The following AP2A1 variants were observed in gnomAD, a reference collection of about 807,000 sequenced individuals.
AP2A1 encodes adaptor related protein complex 2 subunit alpha 1, also known as AP-2 complex subunit alpha-1.
In AP2A1, 21 loss-of-function variants were observed where a neutral mutation model predicts 107.3. The observed-to-expected ratio is 0.20, with a 90% confidence interval of 0.14 to 0.28. The LOEUF is 0.28. Among genes scored for constraint, AP2A1 ranks in the 10% least tolerant of loss-of-function variants. The probability of loss-of-function intolerance (pLI) is 1.00; values close to 1 mark genes in which losing one functional copy is unlikely to be tolerated. For synonymous variants in AP2A1, 602 were observed against 564.8 expected (o/e 1.07, Z -0.93); for missense variants, 873 against 1,307.7 (o/e 0.67, Z 5.13).
At chr19:49,772,410 T>C (rs942896314) in intron 1 of AP2A1, among the ~76,000 whole-genome samples, 9 of 151,456 alleles carry the variant, frequency 5.9e-5, no homozygotes, top group Non-Finnish European at 1.2e-4. Context: ...ATTCCTGGGC[T>C]CAAGTGATCT....
At chr19:49,789,332 C>T (rs2073113772) in intron 4 of AP2A1, among the ~76,000 whole-genome samples, 1 of 152,144 alleles carries the variant, frequency 6.6e-6, no homozygotes, top group South Asian at 2.1e-4. Context: ...ACTCTGTCTC[C>T]CAGGTTGAAG....
At chr19:49,795,342 C>T (rs929384158) in intron 6 of AP2A1, among the ~76,000 whole-genome samples, 2 of 152,194 alleles carry the variant, frequency 1.3e-5, no homozygotes, top group Admixed American at 1.3e-4. Flanking sequence ...CTTCCCAGAG[C>T]CTCAGATTCC....
intron 7 of AP2A1, chr19:49,797,187 G>T (rs912193747): frequency 6.6e-6 from 1 of 152,202 alleles, no homozygotes; most frequent in Non-Finnish European, 1.5e-5. Flanking sequence ...TTGTCCTGAG[G>T]CTGGGCCTGA....
At chr19:49,786,426 G>A (rs747808085) in intron 4 of AP2A1, among the ~76,000 whole-genome samples, 3 of 152,158 alleles carry the variant, frequency 2.0e-5, no homozygotes, top group South Asian at 4.1e-4. Context: ...TCTCAGTTTG[G>A]ACTCGCTGCA....
At chr19:49,798,768 C>T (rs768923512) in intron 7 of AP2A1, 34 bp from the exon 8 acceptor site, 9 of 1,589,662 alleles carry the variant, frequency 5.7e-6, no homozygotes, top group Non-Finnish European at 7.7e-6. Flanking sequence ...GTGGGCAGGA[C>T]ACTCAGCCGG....
At chr19:49,790,266 T>A (rs1484410826) in intron 4 of AP2A1, among the ~76,000 whole-genome samples, 2 of 152,164 alleles carry the variant, frequency 1.3e-5, no homozygotes, top group Admixed American at 1.3e-4. Flanking sequence ...GTGTGGCATC[T>A]TCTCTCCTGC....
At chr19:49,799,574 AC>A (rs1480844000) in intron 9 of AP2A1, 54 bp from the exon 10 acceptor site, 2 of 1,600,112 alleles carry the variant, frequency 1.2e-6, no homozygotes, top group Non-Finnish European at 1.7e-6. Context: ...TGGGTGGCCA[AC>A]CCTGTGCCAA....
chr19:49,769,821 G>A (rs755203493), intron 1 of AP2A1, among the ~76,000 whole-genome samples: 50 of 152,180 alleles, frequency 3.3e-4, no homozygotes, highest in Admixed American at 1.2e-3. Flanking sequence ...GCCTCTGGGT[G>A]AGAGATGGTG....
chr19:49,767,414 A>C (rs2084513973), intron 1 of AP2A1, among the ~76,000 whole-genome samples: 1 of 151,838 alleles, frequency 6.6e-6, no homozygotes, highest in Admixed American at 6.6e-5. Flanking sequence ...CGGAGTAGCT[A>C]GAGGGGTCCG....
intron 1 of AP2A1, among the ~76,000 whole-genome samples, chr19:49,776,196 G>A (rs1298774229): frequency 4.1e-5 from 6 of 146,324 alleles, no homozygotes; most frequent in African/African-American, 1.5e-4. Flanking sequence ...TTCTCCACCC[G>A]CCCCCGCCGC....
intron 10 of AP2A1, 29 bp from the exon 11 acceptor site, chr19:49,799,939 A>G: frequency 6.2e-7 from 1 of 1,607,388 alleles, no homozygotes; most frequent in Non-Finnish European, 8.5e-7. Context: ...GGCCTGCGGC[A>G]CACTCTCTCT....
chr19:49,805,391 C>T, intron 18 of AP2A1, 62 bp from the exon 19 acceptor site: 2 of 1,468,956 alleles, frequency 1.4e-6, no homozygotes, highest in Non-Finnish European at 9.1e-7. Context: ...TCTGGGGTTC[C>T]TGACCCAGAC....
At chr19:49,776,241 A>AC (rs769225357) in intron 1 of AP2A1, among the ~76,000 whole-genome samples, 6 of 150,664 alleles carry the variant, frequency 4.0e-5, no homozygotes, top group Non-Finnish European at 7.4e-5. Context: ...CTCTTTCATC[A>AC]CCGTCCGCCT....
chr19:49,784,853 G>C (rs965504598), intron 4 of AP2A1, among the ~76,000 whole-genome samples: 5 of 152,122 alleles, frequency 3.3e-5, no homozygotes, highest in African/African-American at 1.2e-4. Flanking sequence ...GGGTGACAGA[G>C]TAAGACCCTG....
At position 49,806,871 on chromosome 19, in the gene AP2A1, G is replaced by A. The variant is rs758774782; in HGVS notation, c.*113G>A. 1 of 1,567,320 alleles carries A rather than the reference G, an allele frequency of 6.4e-7. No individual in the cohort carries two copies. Among genetic ancestry groups the A allele is most frequent in the Non-Finnish European group, 8.6e-7 (1 of 1,160,670 alleles). On this transcript the variant is annotated 3_prime_UTR_variant, in exon 23 of 23. Transcript: ENST00000354293. Reference sequence around the variant, plus strand: ...TGACAGAGAAGACACCAGGGTTTGGGGGATGCCTGGGACTTTCCTCCGGCC... The same window carrying A: ...TGACAGAGAAGACACCAGGGTTTGGAGGATGCCTGGGACTTTCCTCCGGCC...
chr19:49,782,164 T>TG (rs1474258626), intron 3 of AP2A1, 75 bp downstream of exon 3: 1 of 327,450 alleles, frequency 3.1e-6, no homozygotes, highest in East Asian at 1.7e-4. Context: ...TCTGGACTCC[T>TG]GGATCTGGGG....
At chr19:49,805,163 C>G (rs2073347087) in intron 18 of AP2A1, 2 of 382,014 alleles carry the variant, frequency 5.2e-6, no homozygotes, top group Non-Finnish European at 9.4e-6. Context: ...CACAGCCACT[C>G]AGGTGGTTAA....
At position 49,798,868 on chromosome 19, in the gene AP2A1, C is replaced by T; in HGVS notation, c.881C>T (p.Pro294Leu). ...ACTGTGCTCAACAAGGCCCAGGAGCCCCCCAAATCCAAGAAGGTGCAGCAT... is the reference window on the plus strand; with the variant it reads ...ACTGTGCTCAACAAGGCCCAGGAGCTCCCCAAATCCAAGAAGGTGCAGCAT... ...LETVLNKAQEPPKSKKVQHSN... is the reference protein window; with the variant it reads ...LETVLNKAQELPKSKKVQHSN... Residue 294 changes from proline to leucine, a missense_variant, in exon 8 of 23, where the codon CCC becomes CTC. Coordinates refer to ENST00000354293, the MANE Select transcript of AP2A1 (RefSeq NM_130787.3). The T allele has an allele frequency of 6.3e-7, 1 of 1,593,390 alleles. No individual in the cohort carries two copies. The highest frequency in any genetic ancestry group is 8.5e-7 in the Non-Finnish European group (1 of 1,170,170).
intron 18 of AP2A1, 36 bp from the exon 19 acceptor site, chr19:49,805,417 C>T: frequency 6.6e-7 from 1 of 1,504,774 alleles, no homozygotes. Context: ...GGGGGCCCAC[C>T]TCCTCTGTCT....
Sources: allele counts gnomAD v4.1 joint callset (sites outside exome capture counted in the v4.1 genomes callset), GRCh38; gene constraint gnomAD v4.1.1; transcripts MANE v1.5; gene names NCBI Gene and HGNC (gene_info 2026-07-23, HGNC 2026-07-21).